Variants in PEPD observed in about 807,000 individuals in gnomAD.
PEPD encodes the protein peptidase D.
PEPD carries 53 observed loss-of-function variants against 60.7 expected under a neutral mutation model. The observed-to-expected ratio is 0.87, with a 90% CI of 0.70 to 1.10. PEPD has a LOEUF of 1.10. PEPD is among the 50% of genes least tolerant of loss of function. The pLI is 0.00. For missense variants in PEPD, 711 were observed against 711.9 expected (o/e 1.00, Z 0.01); for synonymous variants, 267 against 284.1 (o/e 0.94, Z 0.60).
chr19:33,456,966 C>T (rs1242085491), intron 9 of PEPD, among the ~76,000 whole-genome samples: 2 of 151,478 alleles, frequency 1.3e-5, no homozygotes, highest in Non-Finnish European at 2.9e-5. Context: ...TCTGCATGCC[C>T]TGTGAGGGGC....
rs567575080 is a variant in PEPD at position 33,473,602 on chromosome 19, C to T, written c.548+4444G>A. Among the ~76,000 whole-genome samples, 14 of 152,336 alleles carry T rather than the reference C, an allele frequency of 9.2e-5. No homozygotes were observed. In the South Asian group the frequency reaches 2.7e-3, roughly 29 times the overall value. On this transcript the variant is annotated intron_variant, in intron 7 of 14. Transcript: ENST00000244137. ...CTGACACGCCTGCTCTCCCCTGACG[C>T]TTCCAGAGGTACTTAACCGAAACCC...
At chr19:33,454,924 C>G (rs1969768901) in intron 9 of PEPD, among the ~76,000 whole-genome samples, 1 of 152,204 alleles carries the variant, frequency 6.6e-6, no homozygotes, top group Admixed American at 6.5e-5. Flanking sequence ...TAACTCATAA[C>G]TCCTGTCTCG....
In PEPD at chr19:33,490,148, G is replaced by T. The variant is rs2288469; in HGVS notation, c.442-91C>A. The T allele has an allele frequency of 0.094, 80,981 of 858,158 alleles. 4,051 individuals are homozygous for T. The highest frequency in any genetic ancestry group is 0.15 in the East Asian group (5,621 of 38,362). The allele number at this position is 858,158 out of a possible 1,614,324, so 53.2% of individuals were successfully genotyped here. ...AGGCCTCCAGCTAGGCTCAGGACAG[G>T]TAAGAACAGGATCCCCTCCTGCCTT... On this transcript the variant is annotated intron_variant, in intron 5 of 14. Coordinates refer to ENST00000244137, the MANE Select transcript of PEPD (RefSeq NM_000285.4).
intron 9 of PEPD, among the ~76,000 whole-genome samples, chr19:33,459,024 G>C (rs1283612442): frequency 6.6e-6 from 1 of 151,946 alleles, no homozygotes; most frequent in Admixed American, 6.5e-5. Context: ...CCAAGGCCTT[G>C]AATGAGAAGG....
chr19:33,479,231 G>A (rs10404501), intron 6 of PEPD, among the ~76,000 whole-genome samples: 9 of 151,186 alleles, frequency 6.0e-5, no homozygotes, highest in Non-Finnish European at 1.0e-4. Context: ...ACCAAAATGT[G>A]ACAATAAAAA....
At chr19:33,498,950 G>C (rs1181695648) in intron 4 of PEPD, among the ~76,000 whole-genome samples, 2 of 152,184 alleles carry the variant, frequency 1.3e-5, no homozygotes, top group Non-Finnish European at 2.9e-5. Flanking sequence ...TCACATCGAA[G>C]AGACCTGAAG....
intron 9 of PEPD, among the ~76,000 whole-genome samples, chr19:33,462,785 G>A (rs370357919): frequency 1.3e-5 from 2 of 152,140 alleles, no homozygotes; most frequent in East Asian, 3.9e-4. Context: ...AAAAGTCATC[G>A]AAAACCATTA....
chr19:33,445,917 G>A (rs1485473162), intron 9 of PEPD, among the ~76,000 whole-genome samples: 1 of 152,148 alleles, frequency 6.6e-6, no homozygotes, highest in East Asian at 1.9e-4. Context: ...CACCAGGAGC[G>A]GCCTGAATTA....
chr19:33,505,764 CATT>C (rs1399243802), intron 3 of PEPD, among the ~76,000 whole-genome samples: 1 of 150,546 alleles, frequency 6.6e-6, no homozygotes, highest in East Asian at 2.0e-4. Context: ...ACACCCTACA[CATT>C]ATTTACTCAC....
chr19:33,406,094 T>G (rs1010360721), intron 11 of PEPD, among the ~76,000 whole-genome samples: 1 of 152,186 alleles, frequency 6.6e-6, no homozygotes, highest in Non-Finnish European at 1.5e-5. Flanking sequence ...CAAGGACAGC[T>G]GCCAGGAAAG....
chr19:33,419,530 G>A (rs796236753), intron 9 of PEPD, among the ~76,000 whole-genome samples: 12 of 152,308 alleles, frequency 7.9e-5, no homozygotes, highest in African/African-American at 2.2e-4. Context: ...ATCCGTGTTC[G>A]GGCTCGGAGT....
chr19:33,442,887 C>T (rs1209744198), intron 9 of PEPD, among the ~76,000 whole-genome samples: 1 of 152,170 alleles, frequency 6.6e-6, no homozygotes, highest in Admixed American at 6.5e-5. Flanking sequence ...GGAACGTCCA[C>T]CGGGGCTGTC....
At chr19:33,459,928 A>G (rs1247238530) in intron 9 of PEPD, among the ~76,000 whole-genome samples, 1 of 152,160 alleles carries the variant, frequency 6.6e-6, no homozygotes, top group Admixed American at 6.5e-5. Context: ...GCAGGTCTTA[A>G]GGATGCCCAC....
At chr19:33,392,816 T>C (rs561329662) in intron 12 of PEPD, among the ~76,000 whole-genome samples, 247 of 152,196 alleles carry the variant, frequency 1.6e-3, no homozygotes, top group African/African-American at 5.8e-3. Context: ...GGAGGGCAGA[T>C]GATGGGCTCG....
At chr19:33,398,588 A>G (rs1433526231) in intron 12 of PEPD, among the ~76,000 whole-genome samples, 2 of 152,206 alleles carry the variant, frequency 1.3e-5, no homozygotes, top group Non-Finnish European at 2.9e-5. Flanking sequence ...TCACCTGCCA[A>G]ATCCTCCTGC....
At chr19:33,513,944 A>AGCC (rs57039126) in intron 1 of PEPD, among the ~76,000 whole-genome samples, 123 of 140,128 alleles carry the variant, frequency 8.8e-4, no homozygotes, top group South Asian at 1.4e-3. Flanking sequence ...TACCCACCCC[A>AGCC]TCCCCCAGCT....
chr19:33,400,643 T>G (rs937263012), intron 12 of PEPD, among the ~76,000 whole-genome samples: 2 of 152,138 alleles, frequency 1.3e-5, no homozygotes, highest in Non-Finnish European at 2.9e-5. Flanking sequence ...GGTGATCCCA[T>G]AGGAACCTGC....
At chr19:33,461,673 T>C (rs148767361) in intron 9 of PEPD, among the ~76,000 whole-genome samples, 1,701 of 152,372 alleles carry the variant, frequency 0.011, 25 homozygotes, top group South Asian at 0.071. Context: ...AGGGACCCAC[T>C]GTCCAGCCCA....
rs538409887 is a variant in PEPD at position 33,470,514 on chromosome 19, C to A, written c.549-6452G>T. On this transcript the variant is annotated intron_variant, in intron 7 of 14. Transcript: ENST00000244137. Reference sequence around the variant, plus strand: ...GAGACGACCCCCTTCTACCCTCCCACCCTGGGCTAAATCCCTTCTCTGTGT... The same window carrying A: ...GAGACGACCCCCTTCTACCCTCCCAACCTGGGCTAAATCCCTTCTCTGTGT... 2.2e-4 allele frequency among the ~76,000 whole-genome samples: 34 copies of A among 152,250 alleles called. No individual in the cohort carries two copies. The South Asian group carries it at 6.9e-3, about 31-fold the overall frequency.
Sources: allele counts gnomAD v4.1 joint callset (sites outside exome capture counted in the v4.1 genomes callset), GRCh38; gene constraint gnomAD v4.1.1; transcripts MANE v1.5; gene names NCBI Gene and HGNC (gene_info 2026-07-23, HGNC 2026-07-21).